The following NEO1 variants were observed in gnomAD, a reference collection of about 807,000 sequenced individuals.
NEO1 encodes neogenin.
NEO1 carries 63 observed loss-of-function variants against 159.7 expected under a neutral mutation model. That is an observed-to-expected ratio of 0.39 (90% confidence interval 0.32 to 0.49). The LOEUF (loss-of-function observed/expected upper bound fraction) is 0.49, where lower values mean the gene tolerates loss of function less well. Among genes scored for constraint, NEO1 ranks in the 20% least tolerant of loss-of-function variants. The pLI, the probability that NEO1 is intolerant of heterozygous loss-of-function variation, is 0.85. For missense variants in NEO1, 1,615 were observed against 1,831.0 expected, an observed-to-expected ratio of 0.88 and a Z score of 2.15; for synonymous variants, 633 against 662.0, an observed-to-expected ratio of 0.96 and a Z score of 0.67.
intron 1 of NEO1, among the ~76,000 whole-genome samples, chr15:73,092,355 A>G (rs569295271): frequency 6.6e-6 from 1 of 152,372 alleles, no homozygotes; most frequent in Admixed American, 6.5e-5. Flanking sequence ...CTGAATATCT[A>G]GATACCTGTT....
chr15:73,274,956 G>C (rs2041341118), intron 21 of NEO1, among the ~76,000 whole-genome samples: 1 of 152,176 alleles, frequency 6.6e-6, no homozygotes, highest in African/African-American at 2.4e-5. Context: ...TGGTCCTGCA[G>C]CTGTAGGAGA....
At chr15:73,206,803 C>T (rs59628124) in intron 7 of NEO1, among the ~76,000 whole-genome samples, 1 of 151,084 alleles carries the variant, frequency 6.6e-6, no homozygotes, top group African/African-American at 2.4e-5. Context: ...TTAAGAATGG[C>T]ATTTTCTTTT....
chr15:73,068,227 C>G lies in NEO1; in HGVS notation c.130+15422C>G, dbSNP rs575998197. Among the ~76,000 whole-genome samples the G allele has an allele frequency of 1.7e-4, 19 of 109,694 alleles. 2 individuals are homozygous for G. Among genetic ancestry groups the G allele is most frequent in the Non-Finnish European group, 4.0e-4 (18 of 45,292 alleles). The allele number at this position is 109,694 out of a possible 152,430, so 72.0% of individuals were successfully genotyped here. A position where few individuals can be genotyped will look rare whatever the true frequency, so the allele number is the denominator to read the frequency against. On this transcript the variant is annotated intron_variant, in intron 1 of 28. Coordinates refer to ENST00000261908, the MANE Select transcript of NEO1 (RefSeq NM_002499.4). Reference sequence around the variant, plus strand: ...TATTTTTGTTTTTGTCCCCCTACCCCCCCCCCTTTTTTTTTGAGACAGTGT... The same window carrying G: ...TATTTTTGTTTTTGTCCCCCTACCCGCCCCCCTTTTTTTTTGAGACAGTGT...
chr15:73,244,226 T>C, intron 8 of NEO1, 118 bp from the exon 9 acceptor site: 1 of 1,174,188 alleles, frequency 8.5e-7, no homozygotes, highest in Non-Finnish European at 1.2e-6. Flanking sequence ...AAAGCTTCAT[T>C]GTTTGAGAGC....
chr15:73,206,091 G>A (rs752889746), intron 7 of NEO1, among the ~76,000 whole-genome samples: 1 of 152,032 alleles, frequency 6.6e-6, no homozygotes, highest in Non-Finnish European at 1.5e-5. Flanking sequence ...TATTTTAGTA[G>A]AGATGAGGTT....
At chr15:73,199,259 C>T (rs955992783) in intron 7 of NEO1, among the ~76,000 whole-genome samples, 1 of 151,402 alleles carries the variant, frequency 6.6e-6, no homozygotes, top group Non-Finnish European at 1.5e-5. Flanking sequence ...ATACTGTTCT[C>T]ATCACATCAC....
chr15:73,058,699 G>T (rs1189823417), intron 1 of NEO1, among the ~76,000 whole-genome samples: 2 of 152,064 alleles, frequency 1.3e-5, no homozygotes, highest in Non-Finnish European at 2.9e-5. Flanking sequence ...ACTTTTAATT[G>T]TGAACTTTGG....
At chr15:73,130,162 C>T (rs192835987) in intron 4 of NEO1, among the ~76,000 whole-genome samples, 236 of 152,116 alleles carry the variant, frequency 1.6e-3, no homozygotes, top group Non-Finnish European at 2.9e-3. Context: ...TTCATAGAGA[C>T]GGGGTTTCAC....
chr15:73,056,243 C>T (rs2067691448), intron 1 of NEO1, among the ~76,000 whole-genome samples: 1 of 152,232 alleles, frequency 6.6e-6, no homozygotes, highest in Non-Finnish European at 1.5e-5. Flanking sequence ...AGCTTCAGAT[C>T]TCCGTGCCTT....
chr15:73,088,895 A>G (rs548863508), intron 1 of NEO1, among the ~76,000 whole-genome samples: 10 of 152,238 alleles, frequency 6.6e-5, no homozygotes, highest in African/African-American at 2.2e-4. Context: ...AGAAGAAGGA[A>G]GATGCTTCCT....
intron 5 of NEO1, among the ~76,000 whole-genome samples, chr15:73,151,054 A>G (rs1278107765): frequency 6.6e-6 from 1 of 152,238 alleles, no homozygotes; most frequent in Non-Finnish European, 1.5e-5. Flanking sequence ...ATACCAGTTC[A>G]CATTCCTACC....
intron 15 of NEO1, among the ~76,000 whole-genome samples, chr15:73,265,670 C>A (rs980595738): frequency 3.3e-5 from 5 of 152,122 alleles, no homozygotes; most frequent in African/African-American, 1.2e-4. Context: ...TTACTGATTC[C>A]ATTTGTTGTT....
At chr15:73,238,961 G>GC (rs1469136998) in intron 8 of NEO1, among the ~76,000 whole-genome samples, 1 of 152,108 alleles carries the variant, frequency 6.6e-6, no homozygotes, top group Non-Finnish European at 1.5e-5. Flanking sequence ...CGATTCTCCT[G>GC]CCTCAGCCTC....
chr15:73,287,615 C>T (rs2041996770), intron 23 of NEO1, among the ~76,000 whole-genome samples: 1 of 152,218 alleles, frequency 6.6e-6, no homozygotes, highest in African/African-American at 2.4e-5. Flanking sequence ...GGTACAGTGG[C>T]TCACGCCTGT....
Position 73,272,545 on chromosome 15 carries a change from C to T in NEO1, c.2948C>T (p.Ala983Val). The change falls in exon 19 of 29, where the codon GCC becomes GTC. Residue 983 changes from alanine to valine, a missense_variant. This residue lies in a region of NEO1 where 126 missense variants were observed against 216.7 expected (regional missense o/e 0.58). Coordinates refer to ENST00000261908, the MANE Select transcript of NEO1 (RefSeq NM_002499.4). Reference protein sequence around the residue: ...IIVNWQPPSEANGKITGYIIY... With the variant: ...IIVNWQPPSEVNGKITGYIIY... ...GTGAATTGGCAGCCTCCCTCCGAAG[C>T]CAATGGCAAAATTACAGGTAAAATG... 6.2e-7 allele frequency: 1 copy of T among 1,611,170 alleles called. No individual in the cohort carries two copies. Among genetic ancestry groups the T allele is most frequent in the South Asian group, 1.1e-5 (1 of 91,002 alleles).
intron 27 of NEO1, among the ~76,000 whole-genome samples, chr15:73,299,187 T>C (rs938516077): frequency 6.6e-6 from 1 of 152,182 alleles, no homozygotes; most frequent in Admixed American, 6.5e-5. Context: ...TTTTCAAAAT[T>C]TCTGGTCTCA....
At chr15:73,199,367 T>G (rs2036730438) in intron 7 of NEO1, among the ~76,000 whole-genome samples, 1 of 152,024 alleles carries the variant, frequency 6.6e-6, no homozygotes, top group South Asian at 2.1e-4. Context: ...ACCATAAAGT[T>G]ACTTTTTTTT....
intron 1 of NEO1, among the ~76,000 whole-genome samples, chr15:73,092,846 A>G (rs962607113): frequency 1.2e-4 from 19 of 152,210 alleles, no homozygotes; most frequent in African/African-American, 4.3e-4. Flanking sequence ...AAAATGATAC[A>G]TTTGTTACAA....
chr15:73,099,321 A>G (rs1249570012), intron 1 of NEO1, among the ~76,000 whole-genome samples: 1 of 152,210 alleles, frequency 6.6e-6, no homozygotes, highest in African/African-American at 2.4e-5. Flanking sequence ...CAGCTTACCA[A>G]TGCAGGACTG....
Sources: gnomAD v4.1 joint callset for allele counts (sites outside exome capture counted in the v4.1 genomes callset) on GRCh38, gnomAD v4.1.1 for gene constraint, gnomAD v4.1.1 regional missense constraint, MANE v1.5 for transcripts, NCBI Gene and HGNC (gene_info 2026-07-23, HGNC 2026-07-21) for gene names.